TENM3: variants seen among roughly 807,000 people sequenced by gnomAD.
The protein encoded by TENM3 is teneurin-3.
In TENM3, 63 loss-of-function variants were observed where a neutral mutation model predicts 255.1. The observed-to-expected ratio is 0.25, with a 90% CI of 0.20 to 0.30. TENM3 has a LOEUF of 0.30. Among genes scored for constraint, TENM3 ranks in the 10% least tolerant of loss-of-function variants. The probability of loss-of-function intolerance (pLI) is 1.00; values close to 1 mark genes in which losing one functional copy is unlikely to be tolerated. For missense variants in TENM3, 2,929 were observed against 3,461.1 expected, an observed-to-expected ratio of 0.85 and a Z score of 3.86; for synonymous variants, 1,306 against 1,322.3, an observed-to-expected ratio of 0.99 and a Z score of 0.27.
At chr4:181,512,608 G>T in the TENM3 span, among the ~76,000 whole-genome samples, 1 of 152,102 alleles carries the variant, frequency 6.6e-6, no homozygotes, top group Non-Finnish European at 1.5e-5. Context: ...ATCCCACTTC[G>T]TCGCTAACTC....
the TENM3 span, among the ~76,000 whole-genome samples, chr4:181,749,367 G>T: frequency 6.6e-6 from 1 of 152,082 alleles, no homozygotes; most frequent in Non-Finnish European, 1.5e-5. Flanking sequence ...AGTGTGATTT[G>T]TAATCCTAAT....
rs1758583430 is a variant in TENM3 at position 182,258,620 on chromosome 4, T to C, written c.-76+15144T>C. Among the ~76,000 whole-genome samples, 3 of 152,314 alleles carry C rather than the reference T, an allele frequency of 2.0e-5. No individual in the cohort carries two copies. The South Asian group carries it at 6.2e-4, about 32-fold the overall frequency. The stretch of plus-strand genomic sequence containing the variant: ...TGTTATGTAAGAAGTCAGAATAAGA[T>C]ATTTTCATTGCTTTCCGAGTTTCAC... On this transcript the variant is annotated intron_variant, in intron 1 of 27. Coordinates refer to ENST00000511685, the MANE Select transcript of TENM3 (RefSeq NM_001080477.4).
At chr4:182,085,678 G>C in the TENM3 span, among the ~76,000 whole-genome samples, 7 of 152,090 alleles carry the variant, frequency 4.6e-5, no homozygotes, top group East Asian at 1.3e-3. Context: ...GTGATCTGGC[G>C]TGCCTAAACT....
chr4:182,201,588 G>T (rs780726193), intron 1 of TENM3, among the ~76,000 whole-genome samples: 51 of 151,782 alleles, frequency 3.4e-4, no homozygotes, highest in Non-Finnish European at 6.3e-4. Flanking sequence ...CTAAGGGAAG[G>T]ATCCAAGAAG....
In TENM3 at chr4:182,184,171, G is replaced by T. The variant is rs145790869; in HGVS notation, c.-76+39417G>T. Among the ~76,000 whole-genome samples the T allele has an allele frequency of 3.7e-4, 57 of 152,252 alleles. 1 individual carries two copies. The highest frequency in any genetic ancestry group is 1.3e-3 in the African/African-American group (55 of 41,558). ...CAAGCAGAGATTTTTGTACAACAAA[G>T]ATTTTTAAGCAGGCTGTACTAGAAG... On this transcript the variant is annotated intron_variant, in intron 1 of 2. Coordinates refer to the TENM3 transcript ENST00000512480.
In TENM3 at chr4:182,776,042, A is replaced by T. The variant is rs140968077; in HGVS notation, c.5304+889A>T. Among the ~76,000 whole-genome samples, 50 of 152,332 alleles carry T rather than the reference A, an allele frequency of 3.3e-4. No individual in the cohort carries two copies. The East Asian group carries it at 9.5e-3, about 29-fold the overall frequency. On this transcript the variant is annotated intron_variant, in intron 24 of 27. Coordinates refer to ENST00000511685, the MANE Select transcript of TENM3 (RefSeq NM_001080477.4). ...GGAGATATATATATAGCTATATTGC[A>T]GATAAATGAAATTTACCCTATACTA...
At chr4:182,623,578 C>T (rs1750510064) in intron 4 of TENM3, among the ~76,000 whole-genome samples, 1 of 151,160 alleles carries the variant, frequency 6.6e-6, no homozygotes. Flanking sequence ...GATCCACCCG[C>T]TGCGGCCTTC....
chr4:182,124,086 C>G, the TENM3 span, among the ~76,000 whole-genome samples: 2 of 152,132 alleles, frequency 1.3e-5, no homozygotes, highest in African/African-American at 4.8e-5. Flanking sequence ...GAGTCTCACT[C>G]CGTTATCCAG....
chr4:182,442,609 A>G (rs1006494463), intron 3 of TENM3, among the ~76,000 whole-genome samples: 1 of 152,094 alleles, frequency 6.6e-6, no homozygotes, highest in African/African-American at 2.4e-5. Flanking sequence ...TTGTTTTTTT[A>G]GAGATAGAGT....
chr4:182,300,568 G>A (rs187820747), intron 1 of TENM3, among the ~76,000 whole-genome samples: 51 of 152,340 alleles, frequency 3.3e-4, no homozygotes, highest in South Asian at 6.2e-4. Flanking sequence ...TGGCCTTAGG[G>A]ATGGGAGGTA....
intron 3 of TENM3, among the ~76,000 whole-genome samples, chr4:182,419,176 T>C (rs1770609335): frequency 6.6e-6 from 1 of 152,212 alleles, no homozygotes; most frequent in Non-Finnish European, 1.5e-5. Flanking sequence ...CATGATCTTA[T>C]TGAACTTTTA....
At chr4:182,100,859 T>A in the TENM3 span, among the ~76,000 whole-genome samples, 10 of 3,356 alleles carry the variant, frequency 3.0e-3, no homozygotes, top group Admixed American at 4.5e-3. Flanking sequence ...ATATATATAC[T>A]CATATATATA....
the TENM3 span, among the ~76,000 whole-genome samples, chr4:182,004,950 T>C: frequency 6.6e-6 from 1 of 152,226 alleles, no homozygotes; most frequent in Non-Finnish European, 1.5e-5. Context: ...TTACGTTCCT[T>C]GTAAATTCTG....
chr4:181,999,396 C>T, the TENM3 span, among the ~76,000 whole-genome samples: 474 of 152,186 alleles, frequency 3.1e-3, 3 homozygotes, highest in Non-Finnish European at 4.4e-3. Flanking sequence ...TTGCCTGTCC[C>T]GACACATTTT....
At chr4:181,945,938 G>T in the TENM3 span, among the ~76,000 whole-genome samples, 1 of 151,926 alleles carries the variant, frequency 6.6e-6, no homozygotes, top group Non-Finnish European at 1.5e-5. Flanking sequence ...ATATTTTATT[G>T]TTCCTTTCTG....
the TENM3 span, among the ~76,000 whole-genome samples, chr4:182,057,245 G>A: frequency 6.6e-6 from 1 of 151,396 alleles, no homozygotes; most frequent in Middle Eastern, 3.2e-3. Context: ...GACTGGGATT[G>A]AACACCGGAG....
Position 182,688,198 on chromosome 4 carries a change from G to A in TENM3, c.2068G>A (p.Val690Ile), listed in dbSNP as rs371219980. 54 of 1,613,160 alleles carry A rather than the reference G, an allele frequency of 3.3e-5. 2 individuals are homozygous for A. The highest frequency in any genetic ancestry group is 2.5e-4 in the South Asian group (23 of 90,970). The change falls in exon 12 of 28, where the codon GTT becomes ATT. Residue 690 changes from valine to isoleucine, a missense_variant. Around this residue, in one of 6 missense-constraint regions of TENM3, gnomAD observed 1,608 missense variants for 1,884.4 expected, o/e 0.85. Coordinates refer to ENST00000511685, the MANE Select transcript of TENM3 (RefSeq NM_001080477.4). ...ICSVDCGSHG[V>I]CMGGTCRCEE... ...TTCTGTGGACTGTGGCTCACACGGC[G>A]TTTGCATGGGGGGGACGTGTCGCTG...
At chr4:181,813,849 G>T in the TENM3 span, among the ~76,000 whole-genome samples, 1 of 151,890 alleles carries the variant, frequency 6.6e-6, no homozygotes, top group Non-Finnish European at 1.5e-5. Context: ...AATAATAGTG[G>T]GTAAATATGT....
At chr4:181,769,503 T>C in the TENM3 span, among the ~76,000 whole-genome samples, 1 of 152,212 alleles carries the variant, frequency 6.6e-6, no homozygotes. Context: ...TGTCGAGTGG[T>C]TAAGCTACAG....
Sources: gnomAD v4.1 joint callset for allele counts (sites outside exome capture counted in the v4.1 genomes callset) on GRCh38, gnomAD v4.1.1 for gene constraint, gnomAD v4.1.1 regional missense constraint, MANE v1.5 for transcripts, NCBI Gene and HGNC (gene_info 2026-07-23, HGNC 2026-07-21) for gene names.